Variants in GRID2 observed in about 807,000 individuals in gnomAD.
GRID2 encodes the protein glutamate ionotropic receptor delta type subunit 2.
GRID2 carries 33 observed loss-of-function variants against 114.8 expected under a neutral mutation model. That is an observed-to-expected ratio of 0.29 (90% CI 0.22 to 0.38). The LOEUF is 0.38. Ranked by LOEUF, GRID2 falls within the 10% of genes least tolerant of loss-of-function variation. GRID2 has a pLI of 1.00. For missense variants in GRID2, 1,184 were observed against 1,257.7 expected (o/e 0.94, Z 0.89); for synonymous variants, 505 against 449.9 (o/e 1.12, Z -1.55).
At chr4:92,994,596 T>A (rs1041918161) in intron 2 of GRID2, among the ~76,000 whole-genome samples, 4 of 152,144 alleles carry the variant, frequency 2.6e-5, no homozygotes, top group African/African-American at 9.7e-5. Context: ...AGTGCTGAGA[T>A]TACAGGCATG....
At chr4:92,712,697 A>G (rs1033907877) in intron 2 of GRID2, among the ~76,000 whole-genome samples, 2 of 152,154 alleles carry the variant, frequency 1.3e-5, no homozygotes, top group Admixed American at 1.3e-4. Flanking sequence ...CTCTTATTTA[A>G]TATGTTAATA....
chr4:93,091,151 G>A (rs1238705893), intron 3 of GRID2, among the ~76,000 whole-genome samples: 1 of 152,064 alleles, frequency 6.6e-6, no homozygotes, highest in Admixed American at 6.6e-5. Flanking sequence ...AAATAACCCT[G>A]ACATATTATT....
At chr4:92,828,814 G>A (rs1252319406) in intron 2 of GRID2, among the ~76,000 whole-genome samples, 1 of 151,880 alleles carries the variant, frequency 6.6e-6, no homozygotes, top group Non-Finnish European at 1.5e-5. Context: ...CTAAAAGAAG[G>A]CAAACAAGTG....
At chr4:92,921,996 C>T (rs1309760759) in intron 2 of GRID2, among the ~76,000 whole-genome samples, 2 of 152,204 alleles carry the variant, frequency 1.3e-5, no homozygotes, top group Non-Finnish European at 2.9e-5. Flanking sequence ...GGGCTCCACC[C>T]AGTTCAAGCT....
intron 1 of GRID2, among the ~76,000 whole-genome samples, chr4:92,466,348 AT>A (rs1240446101): frequency 6.6e-6 from 1 of 151,738 alleles, no homozygotes; most frequent in Non-Finnish European, 1.5e-5. Context: ...AGTTAAAACT[AT>A]TTTTCTTTTT....
intron 9 of GRID2, among the ~76,000 whole-genome samples, chr4:93,401,492 A>G (rs981339586): frequency 1.3e-5 from 2 of 152,114 alleles, no homozygotes; most frequent in Admixed American, 6.6e-5. Flanking sequence ...TAAATAATGT[A>G]TGGTATTTTT....
chr4:93,697,774 G>T (rs1327176426), intron 14 of GRID2, among the ~76,000 whole-genome samples: 2 of 147,802 alleles, frequency 1.4e-5, no homozygotes, highest in African/African-American at 5.0e-5. Context: ...TTTAAAATTT[G>T]CTAAAAGAAT....
intron 1 of GRID2, among the ~76,000 whole-genome samples, chr4:92,383,349 T>A (rs1241415879): frequency 6.6e-6 from 1 of 152,068 alleles, no homozygotes; most frequent in African/African-American, 2.4e-5. Context: ...TCTTAGTTTC[T>A]AAGTATTGTA....
At chr4:93,799,700 A>C (rs1465901925) in intron 1 of GRID2, among the ~76,000 whole-genome samples, 3 of 152,206 alleles carry the variant, frequency 2.0e-5, no homozygotes, top group Admixed American at 6.5e-5. Context: ...AGTATGATTT[A>C]GCTAGATGTG....
Position 93,224,793 on chromosome 4 carries a change from A to C in GRID2, c.1125+18A>C, listed in dbSNP as rs772088564. ...TCAAGAAGGTAACTTCTTAATTTTCATGTAAAAAGGATATGGTAAATAATT... is the reference window on the plus strand; with the variant it reads ...TCAAGAAGGTAACTTCTTAATTTTCCTGTAAAAAGGATATGGTAAATAATT... On this transcript the variant is annotated intron_variant, in intron 7 of 15. Transcript: ENST00000282020. The C allele has an allele frequency of 2.1e-5, 32 of 1,558,600 alleles. No homozygotes were observed. Among genetic ancestry groups the C allele is most frequent in the Non-Finnish European group, 2.7e-5 (31 of 1,135,630 alleles).
intron 8 of GRID2, among the ~76,000 whole-genome samples, chr4:93,390,455 A>C (rs2149322272): frequency 6.6e-6 from 1 of 152,312 alleles, no homozygotes. Flanking sequence ...ACATATTTTA[A>C]ATCAGTTAGT....
chr4:92,336,625 A>G (rs1448895506), intron 1 of GRID2, among the ~76,000 whole-genome samples: 11 of 152,198 alleles, frequency 7.2e-5, no homozygotes. Flanking sequence ...TAAAAATAAC[A>G]TCATGTCCCT....
At chr4:92,726,453 G>A (rs1736073973) in intron 2 of GRID2, among the ~76,000 whole-genome samples, 1 of 152,010 alleles carries the variant, frequency 6.6e-6, no homozygotes, top group South Asian at 2.1e-4. Context: ...GTTATGTGGT[G>A]CACCACTATA....
At chr4:93,328,082 CACTCCAGCCTGGG>C (rs1303904893) in intron 8 of GRID2, among the ~76,000 whole-genome samples, 1 of 151,780 alleles carries the variant, frequency 6.6e-6, no homozygotes, top group African/African-American at 2.4e-5. Context: ...CGCGCCACTG[CACTCCAGCCTGGG>C]TGAACGAGCA....
intron 15 of GRID2, among the ~76,000 whole-genome samples, chr4:93,770,225 T>C (rs1200501959): frequency 6.6e-6 from 1 of 152,244 alleles, no homozygotes; most frequent in African/African-American, 2.4e-5. Flanking sequence ...GAAAATGTTT[T>C]AACTGATGAA....
intron 1 of GRID2, among the ~76,000 whole-genome samples, chr4:92,428,186 C>G (rs866932949): frequency 6.6e-6 from 1 of 151,892 alleles, no homozygotes; most frequent in Non-Finnish European, 1.5e-5. Flanking sequence ...GGCATGAACC[C>G]GGGAGGCGGA....
At chr4:93,031,634 C>G (rs1334004690) in intron 2 of GRID2, among the ~76,000 whole-genome samples, 1 of 152,052 alleles carries the variant, frequency 6.6e-6, no homozygotes, top group Non-Finnish European at 1.5e-5. Flanking sequence ...GGGGGAATTT[C>G]CCCACACAAA....
At chr4:92,696,220 C>T (rs955116324) in intron 2 of GRID2, among the ~76,000 whole-genome samples, 2 of 152,078 alleles carry the variant, frequency 1.3e-5, no homozygotes, top group Non-Finnish European at 2.9e-5. Context: ...GCCCTAGTTT[C>T]AACTTATTTC....
chr4:93,225,735 G>C (rs1477303902), intron 7 of GRID2, among the ~76,000 whole-genome samples: 1 of 152,164 alleles, frequency 6.6e-6, no homozygotes, highest in African/African-American at 2.4e-5. Flanking sequence ...TTTAAATAGA[G>C]AATAGCCTGG....
Sources: gnomAD v4.1 joint callset for allele counts (sites outside exome capture counted in the v4.1 genomes callset) on GRCh38, gnomAD v4.1.1 for gene constraint, MANE v1.5 for transcripts, NCBI Gene and HGNC (gene_info 2026-07-23, HGNC 2026-07-21) for gene names.